Variants in SPECC1L observed in about 807,000 individuals in gnomAD.
The protein encoded by SPECC1L is sperm antigen with calponin homology and coiled-coil domains 1 like, also known as cytospin-A.
In SPECC1L, 40 loss-of-function variants were observed where a neutral mutation model predicts 116.8. That is an observed-to-expected ratio of 0.34 (90% CI 0.27 to 0.45). SPECC1L has a LOEUF of 0.45. SPECC1L is among the 20% of genes least tolerant of loss of function. SPECC1L has a pLI of 1.00. For synonymous variants in SPECC1L, 504 were observed against 500.6 expected, an observed-to-expected ratio of 1.01 and a Z score of -0.09; for missense variants, 1,110 against 1,373.6, an observed-to-expected ratio of 0.81 and a Z score of 3.03.
rs556738436 is a variant in SPECC1L at position 24,380,963 on chromosome 22, A to G, written c.3087+11643A>G. On this transcript the variant is annotated intron_variant, in intron 14 of 16. Transcript: ENST00000314328. ...TAATAATTTTTAAGTGCTTATCATG[A>G]GAAGTGGTAATCCAGTTCCCTGCTT... 2.0e-5 allele frequency among the ~76,000 whole-genome samples: 3 copies of G among 152,334 alleles called. No homozygotes were observed. In the South Asian group the frequency reaches 6.2e-4, roughly 32 times the overall value.
chr22:24,411,160 A>G (rs781066243), intron 14 of SPECC1L, among the ~76,000 whole-genome samples: 29 of 152,020 alleles, frequency 1.9e-4, no homozygotes, highest in African/African-American at 5.1e-4. Flanking sequence ...CTGCACTCCA[A>G]CCTGGTGACA....
intron 9 of SPECC1L, 141 bp from the exon 10 acceptor site, chr22:24,338,245 C>G: frequency 1.2e-6 from 1 of 809,862 alleles, no homozygotes. Flanking sequence ...TACAAGTGTT[C>G]AGCAGAGGCT....
chr22:24,312,454 A>G (rs1331355082), intron 3 of SPECC1L, among the ~76,000 whole-genome samples: 2 of 152,238 alleles, frequency 1.3e-5, no homozygotes, highest in Non-Finnish European at 2.9e-5. Context: ...GCATGGTTCC[A>G]GATAGAAGAT....
intron 14 of SPECC1L, among the ~76,000 whole-genome samples, chr22:24,410,320 C>T (rs2042670782): frequency 6.6e-6 from 1 of 152,228 alleles, no homozygotes; most frequent in Non-Finnish European, 1.5e-5. Flanking sequence ...AGGCGCATGC[C>T]TGGCAGCAAA....
At position 24,414,911 on chromosome 22, in the gene SPECC1L, C is replaced by CT; in HGVS notation, c.*289dup. On this transcript the variant is annotated 3_prime_UTR_variant, in exon 17 of 17. Transcript: ENST00000314328. ...TTTTCCTTCTGAAGAGAATATTGAA[C>CT]TACACTAGTGCTCCAGGGCACCAAA... is the stretch of plus-strand genomic sequence containing the variant. The CT allele has an allele frequency of 2.1e-6, 1 of 466,518 alleles. No homozygotes were observed. The highest frequency in any genetic ancestry group is 4.1e-5 in the East Asian group (1 of 24,378). 28.9% of individuals were successfully genotyped at this position (466,518 alleles called of 1,614,324 possible).
At chr22:24,347,797 T>C (rs1336853603) in intron 11 of SPECC1L, among the ~76,000 whole-genome samples, 2 of 152,086 alleles carry the variant, frequency 1.3e-5, no homozygotes, top group African/African-American at 4.8e-5. Flanking sequence ...CACCTCAGCC[T>C]CCCGAATAGC....
chr22:24,342,409 G>A (rs141413818), intron 10 of SPECC1L, among the ~76,000 whole-genome samples: 2 of 152,142 alleles, frequency 1.3e-5, no homozygotes, highest in Non-Finnish European at 2.9e-5. Flanking sequence ...GGTGACTCAC[G>A]CCTGTAATCC....
chr22:24,309,855 ATCTT>A (rs2040426895), intron 3 of SPECC1L, among the ~76,000 whole-genome samples: 1 of 152,026 alleles, frequency 6.6e-6, no homozygotes, highest in African/African-American at 2.4e-5. Context: ...GGTTTTTCCT[ATCTT>A]TATTTAAATT....
At chr22:24,311,219 G>A (rs1298301301) in intron 3 of SPECC1L, among the ~76,000 whole-genome samples, 2 of 152,228 alleles carry the variant, frequency 1.3e-5, no homozygotes, top group African/African-American at 4.8e-5. Flanking sequence ...AACCAGAGAA[G>A]TGTGATGAGT....
At chr22:24,401,869 C>G (rs533541704) in intron 14 of SPECC1L, among the ~76,000 whole-genome samples, 2 of 152,260 alleles carry the variant, frequency 1.3e-5, no homozygotes, top group East Asian at 3.9e-4. Context: ...CGTAGGAAAA[C>G]CCGAAAAATC....
chr22:24,347,058 T>C (rs2041310986), intron 10 of SPECC1L, 28 bp from the exon 11 acceptor site: 9 of 1,566,854 alleles, frequency 5.7e-6, no homozygotes, highest in Non-Finnish European at 7.0e-6. Context: ...TCATTTTAAC[T>C]TTGATGTTGT....
intron 14 of SPECC1L, among the ~76,000 whole-genome samples, chr22:24,375,793 T>C (rs1390615591): frequency 6.6e-6 from 1 of 151,974 alleles, no homozygotes; most frequent in Non-Finnish European, 1.5e-5. Context: ...TCTTTACTAA[T>C]ACAAAAACTA....
intron 14 of SPECC1L, among the ~76,000 whole-genome samples, chr22:24,411,059 A>G (rs1171949222): frequency 1.3e-5 from 2 of 152,058 alleles, no homozygotes; most frequent in Non-Finnish European, 2.9e-5. Context: ...GTGGTGGCAC[A>G]TGCCTGTAGT....
intron 3 of SPECC1L, among the ~76,000 whole-genome samples, chr22:24,304,190 T>C (rs1209040800): frequency 1.3e-5 from 2 of 151,984 alleles, no homozygotes; most frequent in Admixed American, 1.3e-4. Context: ...ATGAATGAAG[T>C]GTTTGGCTTA....
intron 14 of SPECC1L, among the ~76,000 whole-genome samples, chr22:24,402,582 G>A (rs1350995774): frequency 6.6e-6 from 1 of 152,184 alleles, no homozygotes; most frequent in Non-Finnish European, 1.5e-5. Flanking sequence ...CTGGGTTGCA[G>A]CTTAACAGTG....
intron 11 of SPECC1L, among the ~76,000 whole-genome samples, chr22:24,358,061 A>C (rs996459981): frequency 6.9e-6 from 1 of 145,428 alleles, no homozygotes; most frequent in Non-Finnish European, 1.5e-5. Flanking sequence ...AGTAATTTTG[A>C]GTTGTGTCTT....
Position 24,363,352 on chromosome 22 carries a change from C to G in SPECC1L, c.2827+8C>G, listed in dbSNP as rs201412778. ...GTGCCAAGACCCTCTCAGGTGATGA[C>G]TTTCATCTGAATTTTTGTTGTATTT... On this transcript the variant is annotated splice_region_variant and intron_variant, in intron 12 of 16. Coordinates refer to ENST00000314328, the MANE Select transcript of SPECC1L (RefSeq NM_015330.6). 2.6e-5 allele frequency: 42 copies of G among 1,610,474 alleles called. No homozygotes were observed. The highest frequency in any genetic ancestry group is 1.1e-4 in the South Asian group (10 of 91,028).
chr22:24,273,391 A>C (rs529255366), intron 1 of SPECC1L, among the ~76,000 whole-genome samples: 4 of 152,238 alleles, frequency 2.6e-5, no homozygotes, highest in African/African-American at 9.6e-5. Context: ...TTGAAGGACT[A>C]TCTTTTCTTT....
At chr22:24,321,164 T>G (rs1434542222) in intron 4 of SPECC1L, 124 bp from the exon 5 acceptor site, 2 of 1,075,688 alleles carry the variant, frequency 1.9e-6, no homozygotes, top group Non-Finnish European at 2.8e-6. Context: ...AAGATTATTG[T>G]AGATCTAAAT....
Sources: gnomAD v4.1 joint callset for allele counts (sites outside exome capture counted in the v4.1 genomes callset) on GRCh38, gnomAD v4.1.1 for gene constraint, MANE v1.5 for transcripts, NCBI Gene and HGNC (gene_info 2026-07-23, HGNC 2026-07-21) for gene names.